The following CHDH variants were observed in gnomAD, a reference collection of about 807,000 sequenced individuals.
CHDH encodes choline dehydrogenase, mitochondrial.
Under a neutral mutation model 56.9 loss-of-function variants are expected in CHDH, and 43 were observed. The ratio of observed to expected loss-of-function variants is 0.76; its 90% CI spans 0.59 to 0.97. The LOEUF (loss-of-function observed/expected upper bound fraction) is 0.97, where lower values mean the gene tolerates loss of function less well. Among genes scored for constraint, CHDH ranks in the 50% least tolerant of loss-of-function variants. CHDH has a pLI of 0.00. For synonymous variants in CHDH, 364 were observed against 348.5 expected (o/e 1.04, Z -0.50); for missense variants, 816 against 821.1 (o/e 0.99, Z 0.08).
At position 53,819,143 on chromosome 3, in the gene CHDH, CAGTGGGGAACAGATGCATGTT is replaced by C. The variant is rs1458199150; in HGVS notation, c.1264-124_1264-104del. 14 of 755,492 alleles carry C rather than the reference CAGTGGGGAACAGATGCATGTT, an allele frequency of 1.9e-5. No individual in the cohort carries two copies. Among genetic ancestry groups the C allele is most frequent in the Non-Finnish European group, 2.9e-5 (13 of 449,962 alleles). The allele number at this position is 755,492 out of a possible 1,614,324, so 46.8% of individuals were successfully genotyped here. A position where few individuals can be genotyped will look rare whatever the true frequency, so the allele number is the denominator to read the frequency against. On this transcript the variant is annotated intron_variant, in intron 7 of 8. Coordinates refer to ENST00000315251, the MANE Select transcript of CHDH (RefSeq NM_018397.5). The surrounding 1 kb of genome is among the most constrained non-coding windows in gnomAD (Gnocchi z 5.4). ...TAGGGTGGGCCTCTGCTTCCAGAAT[CAGTGGGGAACAGATGCATGTT>C]AGCATTTGCCCGCATGGTACCCACC...
At position 53,819,655 on chromosome 3, in the gene CHDH, A is replaced by T; in HGVS notation, c.1140T>A (p.His380Gln). The stretch of plus-strand genomic sequence containing the variant: ...TGCGGATGAACCCACCTGTTTCCAG[A>T]TGGGCAGTGGCTCCCTCCCCTGAGA... Reference protein sequence around the residue: ...WKFTGEGATAHLETGGFIRSQ... With the variant: ...WKFTGEGATAQLETGGFIRSQ... The change falls in exon 7 of 9, where the codon CAT (histidine) becomes CAA (glutamine). Residue 380 changes from histidine to glutamine, a missense_variant. Coordinates refer to ENST00000315251, the MANE Select transcript of CHDH (RefSeq NM_018397.5). This position sits in a 1 kb window ranked among gnomAD's most constrained non-coding sequence, Gnocchi z 5.4. 6.2e-7 allele frequency: 1 copy of T among 1,607,194 alleles called. No individual in the cohort carries two copies. The highest frequency in any genetic ancestry group is 8.5e-7 in the Non-Finnish European group (1 of 1,176,338).
At chr3:53,843,793 C>T (rs1223622330) in intron 1 of CHDH, among the ~76,000 whole-genome samples, 1 of 152,166 alleles carries the variant, frequency 6.6e-6, no homozygotes, top group Non-Finnish European at 1.5e-5. Context: ...TCGCTTCTCT[C>T]ATAGACTCAA....
At chr3:53,836,678 G>A (rs752508157) in intron 2 of CHDH, among the ~76,000 whole-genome samples, 7 of 152,232 alleles carry the variant, frequency 4.6e-5, no homozygotes, top group Admixed American at 6.5e-5. Flanking sequence ...CTGGCGCTGC[G>A]TCATGCTGGC....
chr3:53,818,170 C>G lies in CHDH; in HGVS notation c.1392G>C (p.Leu464=), dbSNP rs367724440. ...STETDIEDFR[L]CVKLTREIFA... ...AAATTTCTCTGGTGAGCTTCACACA[C>G]AGACGGAAATCCTCAATATCAGTTT... is the stretch of plus-strand genomic sequence containing the variant. The change falls in exon 9 of 9, where the codon CTG becomes CTC. Residue 464 remains leucine, a synonymous_variant. Coordinates refer to ENST00000315251, the MANE Select transcript of CHDH (RefSeq NM_018397.5). The G allele has an allele frequency of 6.8e-5, 109 of 1,610,332 alleles. No individual in the cohort carries two copies. The African/African-American group carries it at 1.4e-3, about 20-fold the overall frequency.
chr3:53,843,410 G>A (rs995951542), intron 1 of CHDH, among the ~76,000 whole-genome samples: 4 of 152,066 alleles, frequency 2.6e-5, no homozygotes, highest in Admixed American at 1.3e-4. Context: ...TGAATGAGCC[G>A]CAGAACCAGG....
intron 2 of CHDH, among the ~76,000 whole-genome samples, chr3:53,837,509 G>A (rs1698534091): frequency 6.6e-6 from 1 of 152,266 alleles, no homozygotes; most frequent in Admixed American, 6.5e-5. Flanking sequence ...GCCGCACCGT[G>A]TGACCCAGGG....
At chr3:53,827,448 T>G (rs2095640974) in intron 2 of CHDH, among the ~76,000 whole-genome samples, 1 of 152,010 alleles carries the variant, frequency 6.6e-6, no homozygotes, top group Non-Finnish European at 1.5e-5. Flanking sequence ...GGTAGTTCTT[T>G]ATAGCAATGA....
chr3:53,842,650 G>A (rs895230158), intron 1 of CHDH, among the ~76,000 whole-genome samples: 4 of 152,284 alleles, frequency 2.6e-5, no homozygotes, highest in East Asian at 1.9e-4. Context: ...TGGGATTAAC[G>A]CTGAGTTAAC....
At chr3:53,821,894 G>A in intron 4 of CHDH, 118 bp from the exon 5 acceptor site, 7 of 1,324,454 alleles carry the variant, frequency 5.3e-6, no homozygotes, top group Non-Finnish European at 7.2e-6. Context: ...AGAATCCTGT[G>A]GCACACCCGG....
intron 1 of CHDH, among the ~76,000 whole-genome samples, chr3:53,841,327 T>C (rs2884632): frequency 0.95 from 145,239 of 152,198 alleles, 69,393 homozygotes; most frequent in Non-Finnish European, 0.97. Context: ...CCCTTCCCAC[T>C]GTCTGCTGCG....
At chr3:53,842,115 ACT>A (rs1259900101) in intron 1 of CHDH, among the ~76,000 whole-genome samples, 1 of 149,954 alleles carries the variant, frequency 6.7e-6, no homozygotes, top group South Asian at 2.1e-4. Flanking sequence ...ACAGGACAAC[ACT>A]CTGTCTCAAA....
At chr3:53,842,728 T>A (rs1042465883) in intron 1 of CHDH, among the ~76,000 whole-genome samples, 1 of 152,178 alleles carries the variant, frequency 6.6e-6, no homozygotes, top group Non-Finnish European at 1.5e-5. Context: ...ATGTGTTTTG[T>A]AGCCCTGCTG....
At chr3:53,838,158 C>T (rs189674297) in intron 2 of CHDH, among the ~76,000 whole-genome samples, 8 of 151,970 alleles carry the variant, frequency 5.3e-5, no homozygotes, top group African/African-American at 9.7e-5. Context: ...TCAACCTCCA[C>T]GGATGGCTCC....
In CHDH at chr3:53,817,555, C is replaced by T; in HGVS notation, c.*222G>A. 1 of 540,260 alleles carries T rather than the reference C, an allele frequency of 1.9e-6. No homozygotes were observed. The highest frequency in any genetic ancestry group is 3.2e-6 in the Non-Finnish European group (1 of 309,606). The allele number at this position is 540,260 out of a possible 1,614,324, so 33.5% of individuals were successfully genotyped here. A position where few individuals can be genotyped will look rare whatever the true frequency, so the allele number is the denominator to read the frequency against. ...CATCTCAGGCTGAATGCTGGCCTTC[C>T]CCAAATGGCCCACAGGGAAAGGCTG... On this transcript the variant is annotated 3_prime_UTR_variant, in exon 9 of 9. Transcript: ENST00000315251.
In CHDH at chr3:53,815,321, G is replaced by A. The variant is rs1300470843; in HGVS notation, c.*2456C>T. The A allele has an allele frequency of 6.6e-6, 1 of 151,946 alleles. No individual in the cohort carries two copies. The highest frequency in any genetic ancestry group is 2.4e-5 in the African/African-American group (1 of 41,302). 9.4% of individuals were successfully genotyped at this position (151,946 alleles called of 1,614,324 possible). A position where few individuals can be genotyped will look rare whatever the true frequency, so the allele number is the denominator to read the frequency against. On this transcript the variant is annotated 3_prime_UTR_variant, in exon 9 of 9. Coordinates refer to ENST00000315251, the MANE Select transcript of CHDH (RefSeq NM_018397.5). ...CCCAATTCCCTATGAGACTGAAGAT[G>A]GGGGGGTACCCTCTGTGCACCCCAC...
Position 53,823,442 on chromosome 3 carries a change from C to T in CHDH, c.567G>A (p.Val189=). The T allele has an allele frequency of 6.4e-7, 1 of 1,571,610 alleles. No individual in the cohort carries two copies. The highest frequency in any genetic ancestry group is 1.8e-5 in the Admixed American group (1 of 54,298). Residue 189 remains valine (V), a synonymous_variant, in exon 3 of 9, where the codon GTG becomes GTA. Coordinates refer to ENST00000315251, the MANE Select transcript of CHDH (RefSeq NM_018397.5). ...RYRGADGPLR[V]SRGKTNHPLH... Reference sequence around the variant, plus strand: ...GCGGGTGGTTGGTCTTGCCCCGGGACACCCGCAGCGGGCCATCGGCGCCCC... The same window carrying T: ...GCGGGTGGTTGGTCTTGCCCCGGGATACCCGCAGCGGGCCATCGGCGCCCC...
intron 1 of CHDH, among the ~76,000 whole-genome samples, chr3:53,845,725 T>C (rs1698850145): frequency 6.6e-6 from 1 of 152,128 alleles, no homozygotes; most frequent in African/African-American, 2.4e-5. Context: ...CAGGGAAACT[T>C]GAGAACCGCA....
At chr3:53,825,265 A>T (rs2095636903) in intron 2 of CHDH, among the ~76,000 whole-genome samples, 2 of 152,240 alleles carry the variant, frequency 1.3e-5, no homozygotes, top group African/African-American at 4.8e-5. Context: ...CAAGGCAAAT[A>T]ATGACTCCTT....
chr3:53,813,353 C>G lies in CHDH; in HGVS notation c.*4424G>C, dbSNP rs576976489. 1 of 152,314 alleles carries G rather than the reference C, an allele frequency of 6.6e-6. No homozygotes were observed. The highest frequency in any genetic ancestry group is 1.9e-4 in the East Asian group (1 of 5,190). 9.4% of individuals were successfully genotyped at this position (152,314 alleles called of 1,614,324 possible). A position where few individuals can be genotyped will look rare whatever the true frequency, so the allele number is the denominator to read the frequency against. ...ACTTGGGAGTGCTCCTTGCACAGAG[C>G]TGTCATTTGCCAGTGAGAGCCTCCG... On this transcript the variant is annotated 3_prime_UTR_variant, in exon 9 of 9. Coordinates refer to ENST00000315251, the MANE Select transcript of CHDH (RefSeq NM_018397.5).
Sources: gnomAD v4.1 joint callset for allele counts (sites outside exome capture counted in the v4.1 genomes callset) on GRCh38, gnomAD v4.1.1 for gene constraint, Gnocchi (gnomAD v3.1) non-coding constraint, MANE v1.5 for transcripts, NCBI Gene and HGNC (gene_info 2026-07-23, HGNC 2026-07-21) for gene names.